ZCCHC7: variants seen among roughly 807,000 people sequenced by gnomAD.
The protein encoded by ZCCHC7 is zinc finger CCHC-type containing 7, also known as zinc finger CCHC domain-containing protein 7.
ZCCHC7 carries 35 observed loss-of-function variants against 52.0 expected under a neutral mutation model. The ratio of observed to expected loss-of-function variants is 0.67; its 90% CI spans 0.51 to 0.89. ZCCHC7 has a LOEUF of 0.89. ZCCHC7 is among the 40% of genes least tolerant of loss of function. ZCCHC7 has a pLI of 0.00. For missense variants in ZCCHC7, 574 were observed against 649.1 expected (o/e 0.88, Z 1.26); for synonymous variants, 217 against 221.5 (o/e 0.98, Z 0.18).
rs1433387706 is a variant in ZCCHC7 at position 37,357,262 on chromosome 9, G to A, written c.1626G>A (p.Lys542=). 10 of 1,587,998 alleles carry A rather than the reference G, an allele frequency of 6.3e-6. No homozygotes were observed. The South Asian group carries it at 1.2e-4, about 19-fold the overall frequency. The change falls in exon 9 of 9, where the codon AAG becomes AAA. Residue 542 remains lysine, a synonymous_variant. Coordinates refer to ENST00000336755, the MANE Select transcript of ZCCHC7 (RefSeq NM_032226.3). ...NLFLIKQRKK[K]S is the part of the protein sequence containing the mutation. ...TTCTTATTAAGCAGAGAAAAAAAAAGTCTTAAGCCGTCAGGCAGCCTCTGA... is the reference window on the plus strand; with the variant it reads ...TTCTTATTAAGCAGAGAAAAAAAAAATCTTAAGCCGTCAGGCAGCCTCTGA...
At chr9:37,186,290 A>G (rs1241824145) in intron 2 of ZCCHC7, among the ~76,000 whole-genome samples, 3 of 152,176 alleles carry the variant, frequency 2.0e-5, no homozygotes, top group Non-Finnish European at 4.4e-5. Flanking sequence ...GGCAAGAGAA[A>G]CGTAAGAGGT....
At chr9:37,271,289 C>T (rs754618412) in intron 2 of ZCCHC7, among the ~76,000 whole-genome samples, 4 of 152,018 alleles carry the variant, frequency 2.6e-5, no homozygotes, top group African/African-American at 7.3e-5. Context: ...TCAGCAAAAT[C>T]CAGAATGTGT....
intron 5 of ZCCHC7, among the ~76,000 whole-genome samples, chr9:37,318,768 C>T (rs1009647704): frequency 6.6e-6 from 1 of 151,320 alleles, no homozygotes; most frequent in Non-Finnish European, 1.5e-5. Flanking sequence ...CAAAAATTAG[C>T]CAGGCGTGGC....
chr9:37,137,131 T>G (rs1843028713), intron 2 of ZCCHC7, among the ~76,000 whole-genome samples: 1 of 152,248 alleles, frequency 6.6e-6, no homozygotes. Context: ...CATGTACTTT[T>G]TGCCTTTAGA....
rs376681512 is a variant in ZCCHC7, at chr9:37,162,722, A to G, written c.610+35780A>G. 2.6e-5 allele frequency among the ~76,000 whole-genome samples: 4 copies of G among 152,154 alleles called. No individual in the cohort carries two copies. The East Asian group carries it at 5.8e-4, about 22-fold the overall frequency. ...ATAGATGCTTTCTTCTTGAGTAAAT[A>G]CCTCGGAGTGGAATGGCTGAATTGT... On this transcript the variant is annotated intron_variant, in intron 2 of 8. Coordinates refer to ENST00000336755, the MANE Select transcript of ZCCHC7 (RefSeq NM_032226.3).
intron 2 of ZCCHC7, among the ~76,000 whole-genome samples, chr9:37,199,682 GTCTGTCTTTCTGTCTGTCTT>G (rs1385765374): frequency 2.1e-4 from 14 of 68,190 alleles, no homozygotes; most frequent in African/African-American, 4.5e-4. Context: ...CTCTCTGTCT[GTCTGTCTTTCTGTCTGTCTT>G]TCTTTCTGTC....
chr9:37,144,641 G>A (rs553767368), intron 2 of ZCCHC7, among the ~76,000 whole-genome samples: 7 of 152,022 alleles, frequency 4.6e-5, no homozygotes, highest in African/African-American at 1.7e-4. Flanking sequence ...TCAGGAATGT[G>A]TTACTGCCTT....
intron 2 of ZCCHC7, among the ~76,000 whole-genome samples, chr9:37,197,816 TTGTCTCTTTGGC>T (rs1302899965): frequency 6.6e-6 from 1 of 152,190 alleles, no homozygotes; most frequent in Admixed American, 6.5e-5. Context: ...CTATAAGTGG[TTGTCTCTTTGGC>T]ATAGCAGCCA....
intron 2 of ZCCHC7, among the ~76,000 whole-genome samples, chr9:37,198,409 A>C (rs1006002747): frequency 6.6e-6 from 1 of 152,220 alleles, no homozygotes; most frequent in Admixed American, 6.5e-5. Context: ...TCAGTGTATC[A>C]GCCTAGTGGT....
At chr9:37,322,544 G>A (rs558203862) in intron 5 of ZCCHC7, among the ~76,000 whole-genome samples, 142 of 151,424 alleles carry the variant, frequency 9.4e-4, no homozygotes, top group African/African-American at 3.3e-3. Flanking sequence ...TAAGATTTTT[G>A]TATTCCAGAA....
chr9:37,324,115 ATTGT>A (rs1830151748), intron 5 of ZCCHC7, among the ~76,000 whole-genome samples: 2 of 152,174 alleles, frequency 1.3e-5, no homozygotes, highest in Non-Finnish European at 2.9e-5. Context: ...ATCAATGAAT[ATTGT>A]TTGTTTTATT....
chr9:37,316,397 G>T (rs890036663), intron 5 of ZCCHC7, among the ~76,000 whole-genome samples: 1 of 147,770 alleles, frequency 6.8e-6, no homozygotes, highest in African/African-American at 2.5e-5. Flanking sequence ...CACAATGAAA[G>T]GGTCTTTTAA....
chr9:37,336,967 G>A (rs774768013), intron 6 of ZCCHC7, among the ~76,000 whole-genome samples: 2 of 152,166 alleles, frequency 1.3e-5, no homozygotes, highest in East Asian at 3.9e-4. Flanking sequence ...CACCGATCCC[G>A]CATGCTATGA....
chr9:37,305,677 A>T lies in ZCCHC7; in HGVS notation c.914A>T (p.Gln305Leu). ...CTTTTCAGACATTCCTGGGATAAAC[A>T]GTGTGACCGATGTCATATGCTAGGC... ...SCLFRHSWDK[Q>L]CDRCHMLGHY... is the part of the protein sequence containing the mutation. The change falls in exon 5 of 9, where the codon CAG (glutamine) becomes CTG (leucine). Residue 305 changes from glutamine to leucine, a missense_variant. This residue lies in a region of ZCCHC7 where 403 missense variants were observed against 461.2 expected (regional missense o/e 0.87). Transcript: ENST00000336755. The T allele has an allele frequency of 1.2e-6, 2 of 1,614,166 alleles. No individual in the cohort carries two copies. The highest frequency in any genetic ancestry group is 8.5e-7 in the Non-Finnish European group (1 of 1,180,016).
At chr9:37,250,076 A>G (rs989209313) in intron 2 of ZCCHC7, among the ~76,000 whole-genome samples, 1 of 152,198 alleles carries the variant, frequency 6.6e-6, no homozygotes, top group Admixed American at 6.5e-5. Flanking sequence ...AGTTAGCAAG[A>G]CTTCCTCATT....
At chr9:37,280,897 CA>C (rs1827926913) in intron 2 of ZCCHC7, among the ~76,000 whole-genome samples, 1 of 151,444 alleles carries the variant, frequency 6.6e-6, no homozygotes, top group Non-Finnish European at 1.5e-5. Context: ...TAATTTGTTT[CA>C]AATGTATATG....
At position 37,357,311 on chromosome 9, in the gene ZCCHC7, G is replaced by C. The variant is rs1250236153; in HGVS notation, c.*43G>C. On this transcript the variant is annotated 3_prime_UTR_variant, in exon 9 of 9. Transcript: ENST00000336755. The stretch of plus-strand genomic sequence containing the variant: ...GATGTGGCTTTTCATTGTTCATTTG[G>C]CCTTTGTGTCTATAACCTTCTGGCA... The C allele has an allele frequency of 2.6e-6, 4 of 1,526,806 alleles. No homozygotes were observed. The highest frequency in any genetic ancestry group is 2.4e-4 in the Middle Eastern group (1 of 4,144). The allele number at this position is 1,526,806 out of a possible 1,614,324, so 94.6% of individuals were successfully genotyped here. A position where few individuals can be genotyped will look rare whatever the true frequency, so the allele number is the denominator to read the frequency against.
intron 2 of ZCCHC7, among the ~76,000 whole-genome samples, chr9:37,142,992 G>A (rs1267557736): frequency 6.6e-6 from 1 of 151,774 alleles, no homozygotes; most frequent in African/African-American, 2.4e-5. Context: ...TTTATTGTGT[G>A]TGGCCTTACT....
intron 6 of ZCCHC7, among the ~76,000 whole-genome samples, chr9:37,343,096 G>C (rs1403665878): frequency 2.0e-5 from 3 of 152,212 alleles, no homozygotes; most frequent in African/African-American, 7.2e-5. Flanking sequence ...GTGAACACGA[G>C]AATCTCGTAA....
Sources: allele counts gnomAD v4.1 joint callset (sites outside exome capture counted in the v4.1 genomes callset), GRCh38; gene constraint gnomAD v4.1.1; regional missense constraint gnomAD v4.1.1; transcripts MANE v1.5; gene names NCBI Gene and HGNC (gene_info 2026-07-23, HGNC 2026-07-21).